The following TUSC3 variants were observed in gnomAD, a reference collection of about 807,000 sequenced individuals.
TUSC3 encodes dolichyl-diphosphooligosaccharide--protein glycosyltransferase subunit TUSC3.
A neutral mutation model predicts 44.8 loss-of-function variants in TUSC3; 45 were observed. That is an observed-to-expected ratio of 1.00 (90% confidence interval 0.79 to 1.29). TUSC3 has a LOEUF of 1.29. TUSC3 is among the 50% of genes most tolerant of loss of function. The pLI is 0.00. For synonymous variants in TUSC3, 212 were observed against 152.9 expected, an observed-to-expected ratio of 1.39 and a Z score of -2.85; for missense variants, 519 against 437.9, an observed-to-expected ratio of 1.19 and a Z score of -1.65.
intron 1 of TUSC3, among the ~76,000 whole-genome samples, chr8:15,430,558 C>G (rs1300500406): frequency 6.6e-6 from 1 of 151,110 alleles, no homozygotes; most frequent in South Asian, 2.1e-4. Flanking sequence ...ATTCCCTTTG[C>G]AAACTGGCAC....
chr8:15,750,549 A>G (rs2604360), intron 9 of TUSC3, among the ~76,000 whole-genome samples: 3,228 of 151,980 alleles, frequency 0.021, 41 homozygotes, highest in African/African-American at 0.041. Flanking sequence ...TTCAAGTAGT[A>G]GTTGTCATTT....
intron 1 of TUSC3, among the ~76,000 whole-genome samples, chr8:15,436,232 C>G (rs1799943638): frequency 6.6e-6 from 1 of 152,156 alleles, no homozygotes; most frequent in Non-Finnish European, 1.5e-5. Context: ...CCATAGAAGT[C>G]ATACAGTCAC....
At chr8:15,744,431 T>A (rs1811320171) in intron 8 of TUSC3, among the ~76,000 whole-genome samples, 1 of 152,150 alleles carries the variant, frequency 6.6e-6, no homozygotes, top group Non-Finnish European at 1.5e-5. Context: ...ACCTGTTATT[T>A]TTTTCTTTCT....
intron 6 of TUSC3, among the ~76,000 whole-genome samples, chr8:15,696,245 G>A (rs1280883115): frequency 1.3e-5 from 2 of 152,136 alleles, no homozygotes; most frequent in Non-Finnish European, 2.9e-5. Flanking sequence ...CATCCTTGCT[G>A]CTCCAGCTGA....
intron 2 of TUSC3, among the ~76,000 whole-genome samples, chr8:15,648,502 G>GA (rs1806729034): frequency 1.0e-5 from 1 of 98,230 alleles, no homozygotes; most frequent in African/African-American, 3.8e-5. Context: ...TGAGGCGGGC[G>GA]GATCACGAGG....
At chr8:15,557,760 G>T (rs1206240873) in intron 1 of TUSC3, among the ~76,000 whole-genome samples, 2 of 139,000 alleles carry the variant, frequency 1.4e-5, no homozygotes, top group African/African-American at 5.2e-5. Context: ...TCTTCTCTTT[G>T]AAGCAGTTGT....
upstream of TUSC3, among the ~76,000 whole-genome samples, chr8:15,536,572 C>G (rs1801524213): frequency 6.6e-6 from 1 of 151,072 alleles, no homozygotes; most frequent in African/African-American, 2.4e-5. Flanking sequence ...CTCCCAGCTA[C>G]TCGGGAGGCT....
At chr8:15,545,890 G>T (rs1456963269) in intron 1 of TUSC3, among the ~76,000 whole-genome samples, 5 of 151,626 alleles carry the variant, frequency 3.3e-5, no homozygotes, top group Non-Finnish European at 7.4e-5. Context: ...GCGTTTATTT[G>T]GCATGTCAGA....
At chr8:15,643,811 T>G (rs535006572) in intron 2 of TUSC3, among the ~76,000 whole-genome samples, 1 of 152,274 alleles carries the variant, frequency 6.6e-6, no homozygotes, top group East Asian at 1.9e-4. Flanking sequence ...CAGGGTGTTG[T>G]TTATCAGTTG....
At chr8:15,617,209 C>T (rs930271196) in intron 1 of TUSC3, among the ~76,000 whole-genome samples, 16 of 148,624 alleles carry the variant, frequency 1.1e-4, no homozygotes, top group African/African-American at 2.7e-4. Flanking sequence ...GTGTGATCTC[C>T]GCTCACTGCA....
chr8:15,767,833 A>C (rs1314353364), downstream of TUSC3, among the ~76,000 whole-genome samples: 1 of 152,196 alleles, frequency 6.6e-6, no homozygotes, highest in Non-Finnish European at 1.5e-5. Context: ...CCTGGAGAAA[A>C]GATTGAAGTT....
chr8:15,561,198 C>T (rs1445570405), intron 1 of TUSC3, among the ~76,000 whole-genome samples: 1 of 130,680 alleles, frequency 7.7e-6, no homozygotes, highest in Admixed American at 7.8e-5. Context: ...GATGTCCTTT[C>T]TGTTTGTTAG....
the TUSC3 span, among the ~76,000 whole-genome samples, chr8:15,828,278 A>G: frequency 6.6e-5 from 10 of 152,154 alleles, no homozygotes; most frequent in Non-Finnish European, 1.2e-4. Context: ...TATAGGCATG[A>G]GCCACCGCAC....
intron 1 of TUSC3, among the ~76,000 whole-genome samples, chr8:15,608,838 T>C (rs1174870195): frequency 1.3e-5 from 2 of 152,196 alleles, no homozygotes; most frequent in Admixed American, 6.6e-5. Flanking sequence ...TTACCCAGTC[T>C]TGGATATTTC....
chr8:15,561,961 C>G (rs1418245884), intron 1 of TUSC3, among the ~76,000 whole-genome samples: 1 of 151,970 alleles, frequency 6.6e-6, no homozygotes, highest in Non-Finnish European at 1.5e-5. Flanking sequence ...AAATCACCAT[C>G]TTCTGCGTTG....
At chr8:15,564,414 T>C (rs1485803993) in intron 1 of TUSC3, among the ~76,000 whole-genome samples, 3 of 152,190 alleles carry the variant, frequency 2.0e-5, no homozygotes, top group African/African-American at 7.2e-5. Flanking sequence ...AATTGTGGAA[T>C]CCACTGTCTA....
At chr8:15,631,014 G>A (rs541001654) in intron 2 of TUSC3, among the ~76,000 whole-genome samples, 1 of 152,074 alleles carries the variant, frequency 6.6e-6, no homozygotes, top group Non-Finnish European at 1.5e-5. Context: ...TCTTACCTTT[G>A]ATAATATTTC....
At chr8:15,813,666 G>A in the TUSC3 span, among the ~76,000 whole-genome samples, 1 of 152,072 alleles carries the variant, frequency 6.6e-6, no homozygotes, top group African/African-American at 2.4e-5. Context: ...ATATAATGTG[G>A]GGAAATGTAA....
At chr8:15,526,742 A>C (rs947573633) in intron 2 of TUSC3, among the ~76,000 whole-genome samples, 13 of 152,186 alleles carry the variant, frequency 8.5e-5, no homozygotes, top group African/African-American at 2.9e-4. Context: ...GTTCATCAGC[A>C]GCATGATAAC....
Sources: allele counts gnomAD v4.1 joint callset (sites outside exome capture counted in the v4.1 genomes callset), GRCh38; gene constraint gnomAD v4.1.1; transcripts MANE v1.5; gene names NCBI Gene and HGNC (gene_info 2026-07-23, HGNC 2026-07-21).